The following AKAP13 variants were observed in gnomAD, a reference collection of about 807,000 sequenced individuals.
AKAP13 encodes A-kinase anchor protein 13.
AKAP13 carries 80 observed loss-of-function variants against 264.5 expected under a neutral mutation model. The ratio of observed to expected loss-of-function variants is 0.30; its 90% CI spans 0.25 to 0.36. The LOEUF (loss-of-function observed/expected upper bound fraction) is 0.36. Ranked by LOEUF, AKAP13 falls within the 10% of genes least tolerant of loss-of-function variation. AKAP13 has a pLI of 1.00. For synonymous variants in AKAP13, 1,380 were observed against 1,250.2 expected (o/e 1.10, Z -2.19); for missense variants, 3,712 against 3,435.2 (o/e 1.08, Z -2.01).
chr15:85,402,171 G>A (rs2071454145), intron 1 of AKAP13, among the ~76,000 whole-genome samples: 1 of 152,126 alleles, frequency 6.6e-6, no homozygotes, highest in Non-Finnish European at 1.5e-5. Flanking sequence ...GGAGATCCTT[G>A]GAATTACATC....
intron 1 of AKAP13, chr15:85,415,148 T>TA (rs888977280): frequency 6.5e-4 from 509 of 784,606 alleles, no homozygotes; most frequent in Non-Finnish European, 7.5e-4. Context: ...GAAATACCTT[T>TA]AAAAAAAAAT....
At chr15:85,601,431 T>A (rs939905586) in intron 8 of AKAP13, among the ~76,000 whole-genome samples, 3 of 152,200 alleles carry the variant, frequency 2.0e-5, no homozygotes. Flanking sequence ...ATCTCACATA[T>A]AACTAAAGGC....
chr15:85,526,531 A>G (rs1230487559), intron 3 of AKAP13, among the ~76,000 whole-genome samples: 1 of 152,124 alleles, frequency 6.6e-6, no homozygotes, highest in Non-Finnish European at 1.5e-5. Context: ...TCCACCTAGC[A>G]AAGTGTTGGG....
At chr15:85,560,128 TAAAAAA>T (rs55715424) in intron 5 of AKAP13, among the ~76,000 whole-genome samples, 5 of 54,578 alleles carry the variant, frequency 9.2e-5, no homozygotes, top group South Asian at 2.0e-3. Flanking sequence ...TGTCTCCACC[TAAAAAA>T]AAAAAAAAAA....
At chr15:85,701,767 T>C (rs2151667821) in intron 17 of AKAP13, among the ~76,000 whole-genome samples, 1 of 152,070 alleles carries the variant, frequency 6.6e-6, no homozygotes, top group South Asian at 2.1e-4. Flanking sequence ...AACTGAAAAG[T>C]ATCAGACAGC....
chr15:85,388,854 G>C (rs187174542), intron 1 of AKAP13, among the ~76,000 whole-genome samples: 2 of 152,278 alleles, frequency 1.3e-5, no homozygotes, highest in African/African-American at 2.4e-5. Context: ...TTAAATGTCA[G>C]ATGTCTCCTT....
chr15:85,533,173 C>G (rs1482670371), intron 3 of AKAP13, among the ~76,000 whole-genome samples: 1 of 152,026 alleles, frequency 6.6e-6, no homozygotes, highest in Non-Finnish European at 1.5e-5. Context: ...GATATTTTTT[C>G]CTGTTATGTT....
chr15:85,744,747 T>C lies in AKAP13; in HGVS notation c.*70T>C, dbSNP rs2089318679. Reference sequence around the variant, plus strand: ...GCCCACCTCTCCTGCTGTCCCCGCGTGCACAAGTCTCTTACACTGGACGCC... The same window carrying C: ...GCCCACCTCTCCTGCTGTCCCCGCGCGCACAAGTCTCTTACACTGGACGCC... On this transcript the variant is annotated 3_prime_UTR_variant, in exon 37 of 37. Transcript: ENST00000394518. 3.5e-6 allele frequency: 5 copies of C among 1,439,502 alleles called. No homozygotes were observed. The highest frequency in any genetic ancestry group is 2.1e-5 in the Admixed American group (1 of 47,002). The allele number at this position is 1,439,502 out of a possible 1,614,324, so 89.2% of individuals were successfully genotyped here.
At chr15:85,575,083 C>G (rs1397645297) in intron 5 of AKAP13, 48 bp from the exon 6 acceptor site, 2 of 1,578,496 alleles carry the variant, frequency 1.3e-6, no homozygotes, top group East Asian at 4.5e-5. Flanking sequence ...TAAGCCTATG[C>G]CTGGGAGGCA....
chr15:85,647,829 G>A (rs1271878116), intron 10 of AKAP13, among the ~76,000 whole-genome samples: 2 of 152,158 alleles, frequency 1.3e-5, no homozygotes. Flanking sequence ...TCGGGAGGCT[G>A]AGGCAGGAGA....
intron 8 of AKAP13, among the ~76,000 whole-genome samples, chr15:85,626,561 T>C (rs774602504): frequency 1.3e-5 from 2 of 152,244 alleles, no homozygotes; most frequent in Non-Finnish European, 2.9e-5. Flanking sequence ...ATCCATATTA[T>C]AGCATGTGTC....
chr15:85,443,037 G>A (rs2073766126), intron 1 of AKAP13, among the ~76,000 whole-genome samples: 1 of 152,016 alleles, frequency 6.6e-6, no homozygotes, highest in Admixed American at 6.5e-5. Context: ...GCTAGTATGT[G>A]GTAGGTTTGA....
chr15:85,540,719 T>G (rs2077556162), intron 4 of AKAP13, among the ~76,000 whole-genome samples: 1 of 152,238 alleles, frequency 6.6e-6, no homozygotes, highest in African/African-American at 2.4e-5. Flanking sequence ...ACTAAATTCA[T>G]ATATTCGTTT....
chr15:85,462,962 T>G (rs1596259044), intron 1 of AKAP13, among the ~76,000 whole-genome samples: 2 of 133,114 alleles, frequency 1.5e-5, no homozygotes, highest in East Asian at 4.1e-4. Flanking sequence ...AGGCGGAGCT[T>G]GCAGTGAGCC....
At chr15:85,410,264 A>C (rs2071896329) in intron 1 of AKAP13, among the ~76,000 whole-genome samples, 1 of 151,556 alleles carries the variant, frequency 6.6e-6, no homozygotes, top group Admixed American at 6.6e-5. Context: ...AAGTCTGGTC[A>C]TACCTGCTTT....
At chr15:85,531,791 T>C (rs1393531458) in intron 3 of AKAP13, among the ~76,000 whole-genome samples, 5 of 152,220 alleles carry the variant, frequency 3.3e-5, no homozygotes, top group African/African-American at 1.2e-4. Flanking sequence ...TCAGTGTTCA[T>C]GTGAAGACTT....
intron 1 of AKAP13, among the ~76,000 whole-genome samples, chr15:85,466,032 A>C (rs1251466691): frequency 6.6e-6 from 1 of 152,038 alleles, no homozygotes; most frequent in East Asian, 1.9e-4. Flanking sequence ...CTGACTTTTT[A>C]ATGGTTGCCT....
At chr15:85,522,497 G>A (rs1355653338) in intron 3 of AKAP13, among the ~76,000 whole-genome samples, 2 of 152,058 alleles carry the variant, frequency 1.3e-5, no homozygotes. Context: ...TGCCTTTACT[G>A]GTAAGGTCCT....
intron 1 of AKAP13, among the ~76,000 whole-genome samples, chr15:85,451,086 T>C (rs78008268): frequency 0.088 from 13,442 of 152,254 alleles, 804 homozygotes; most frequent in East Asian, 0.31. Flanking sequence ...CTTGTTGAAT[T>C]GAACCCTTTA....
Sources: gnomAD v4.1 joint callset for allele counts (sites outside exome capture counted in the v4.1 genomes callset) on GRCh38, gnomAD v4.1.1 for gene constraint, MANE v1.5 for transcripts, NCBI Gene and HGNC (gene_info 2026-07-23, HGNC 2026-07-21) for gene names.